The following RGS7 variants were observed in gnomAD, a reference collection of about 807,000 sequenced individuals.
RGS7 encodes the protein regulator of G protein signaling 7.
A neutral mutation model predicts 81.1 loss-of-function variants in RGS7; 27 were observed. That is an observed-to-expected ratio of 0.33 (90% CI 0.25 to 0.46). RGS7 has a LOEUF of 0.46. Among genes scored for constraint, RGS7 ranks in the 20% least tolerant of loss-of-function variants. The pLI is 1.00. For synonymous variants in RGS7, 208 were observed against 207.7 expected (o/e 1.00, Z -0.01); for missense variants, 396 against 607.4 (o/e 0.65, Z 3.66).
chr1:240,962,185 T>C (rs890064197), intron 4 of RGS7, among the ~76,000 whole-genome samples: 1 of 152,134 alleles, frequency 6.6e-6, no homozygotes, highest in Non-Finnish European at 1.5e-5. Context: ...GACTTCCTAG[T>C]AGAAAAGTTC....
At chr1:241,039,752 C>G (rs536370819) in intron 3 of RGS7, among the ~76,000 whole-genome samples, 1 of 152,256 alleles carries the variant, frequency 6.6e-6, no homozygotes, top group South Asian at 2.1e-4. Flanking sequence ...TAGCTTGATG[C>G]AAACAAGCCA....
chr1:241,277,597 C>T (rs918764898), intron 2 of RGS7, among the ~76,000 whole-genome samples: 12 of 145,954 alleles, frequency 8.2e-5, no homozygotes, highest in Non-Finnish European at 7.5e-5. Flanking sequence ...CCAGCCTGGG[C>T]GATAAAACGA....
chr1:241,185,028 T>C (rs1431545081), intron 2 of RGS7, among the ~76,000 whole-genome samples: 1 of 152,186 alleles, frequency 6.6e-6, no homozygotes, highest in African/African-American at 2.4e-5. Context: ...CTAAAGTATG[T>C]CCACAACAGA....
chr1:241,054,377 T>C (rs1157754686), intron 3 of RGS7, among the ~76,000 whole-genome samples: 2 of 152,188 alleles, frequency 1.3e-5, no homozygotes, highest in African/African-American at 2.4e-5. Flanking sequence ...AGACAGACTT[T>C]AAATACTTTA....
intron 15 of RGS7, among the ~76,000 whole-genome samples, chr1:240,805,045 G>C (rs1167637504): frequency 6.6e-6 from 1 of 152,110 alleles, no homozygotes; most frequent in Admixed American, 6.5e-5. Context: ...AAGAAGTTAT[G>C]AAGTATGCAC....
chr1:241,083,233 A>T (rs924336881), intron 3 of RGS7, among the ~76,000 whole-genome samples: 58 of 148,484 alleles, frequency 3.9e-4, no homozygotes, highest in Non-Finnish European at 3.4e-4. Context: ...CTCAAAAAAA[A>T]AAAAAAAAGA....
intron 5 of RGS7, among the ~76,000 whole-genome samples, chr1:240,936,286 A>G (rs141168651): frequency 1.9e-3 from 287 of 152,358 alleles, no homozygotes; most frequent in African/African-American, 6.6e-3. Flanking sequence ...CAAGGGTCAG[A>G]CAGAGGAAGA....
intron 2 of RGS7, among the ~76,000 whole-genome samples, chr1:241,156,440 A>T (rs2069153863): frequency 6.6e-6 from 1 of 152,012 alleles, no homozygotes; most frequent in South Asian, 2.1e-4. Context: ...CAGGAGGTCA[A>T]GGCTGCAGTG....
intron 2 of RGS7, among the ~76,000 whole-genome samples, chr1:241,331,379 A>G (rs932370109): frequency 2.0e-5 from 3 of 152,334 alleles, no homozygotes; most frequent in East Asian, 1.9e-4. Flanking sequence ...GCTCTGCTAC[A>G]TGCAACTTAG....
At chr1:241,079,288 C>T (rs1271328630) in intron 3 of RGS7, among the ~76,000 whole-genome samples, 1 of 152,118 alleles carries the variant, frequency 6.6e-6, no homozygotes, top group Non-Finnish European at 1.5e-5. Context: ...TATGAGAAGT[C>T]ATTAACATTT....
At chr1:240,936,559 G>C in intron 5 of RGS7, 41 bp downstream of exon 5, 2 of 1,427,174 alleles carry the variant, frequency 1.4e-6, no homozygotes, top group Non-Finnish European at 2.0e-6. Flanking sequence ...CGAAATGCGG[G>C]CTTCTAGTTT....
intron 2 of RGS7, among the ~76,000 whole-genome samples, chr1:241,182,730 C>G (rs750421347): frequency 6.0e-5 from 9 of 150,050 alleles, no homozygotes; most frequent in Non-Finnish European, 1.2e-4. Flanking sequence ...CTCAGTGCAA[C>G]CTCCGCCTTG....
chr1:240,912,321 A>G (rs1671908079), intron 6 of RGS7, among the ~76,000 whole-genome samples: 1 of 152,166 alleles, frequency 6.6e-6, no homozygotes. Flanking sequence ...AAAAAGTACA[A>G]GCCACCAGAA....
At chr1:240,845,446 T>C (rs1165383075) in intron 9 of RGS7, among the ~76,000 whole-genome samples, 1 of 152,210 alleles carries the variant, frequency 6.6e-6, no homozygotes, top group African/African-American at 2.4e-5. Context: ...CCTGGTGCGA[T>C]ATAATATCCT....
chr1:240,938,053 A>G (rs1287353607), intron 4 of RGS7, among the ~76,000 whole-genome samples: 1 of 152,232 alleles, frequency 6.6e-6, no homozygotes, highest in Non-Finnish European at 1.5e-5. Context: ...GCTAGAAAAT[A>G]TGAAATTATG....
At chr1:241,329,795 G>T (rs2081853052) in intron 2 of RGS7, among the ~76,000 whole-genome samples, 1 of 152,104 alleles carries the variant, frequency 6.6e-6, no homozygotes, top group African/African-American at 2.4e-5. Context: ...AATGTTTCTT[G>T]TGTGCTGCTG....
intron 4 of RGS7, among the ~76,000 whole-genome samples, chr1:240,973,655 T>C (rs1683615460): frequency 6.6e-6 from 1 of 152,000 alleles, no homozygotes; most frequent in African/African-American, 2.4e-5. Flanking sequence ...AGTGGTGCCA[T>C]CTCAGCTCAC....
At chr1:240,803,401 C>T (rs1688315033) in intron 15 of RGS7, among the ~76,000 whole-genome samples, 1 of 152,066 alleles carries the variant, frequency 6.6e-6, no homozygotes, top group South Asian at 2.1e-4. Flanking sequence ...ATACCTTTGG[C>T]CTCTACATTT....
chr1:241,320,822 G>A (rs190195053), intron 2 of RGS7, among the ~76,000 whole-genome samples: 1 of 152,196 alleles, frequency 6.6e-6, no homozygotes, highest in Non-Finnish European at 1.5e-5. Context: ...ACAAAAAGGG[G>A]TGCTGTGGGG....
Sources: gnomAD v4.1 joint callset for allele counts (sites outside exome capture counted in the v4.1 genomes callset) on GRCh38, gnomAD v4.1.1 for gene constraint, MANE v1.5 for transcripts, NCBI Gene and HGNC (gene_info 2026-07-23, HGNC 2026-07-21) for gene names.